The following DAB1 variants were observed in gnomAD, a reference collection of about 807,000 sequenced individuals.
DAB1 encodes DAB adaptor protein 1, also known as disabled homolog 1.
DAB1 carries 15 observed loss-of-function variants against 64.6 expected under a neutral mutation model. That is an observed-to-expected ratio of 0.23 (90% CI 0.16 to 0.36). DAB1 has a LOEUF of 0.36. Ranked by LOEUF, DAB1 falls within the 10% of genes least tolerant of loss-of-function variation. The pLI is 1.00. For missense variants in DAB1, 596 were observed against 706.7 expected, an observed-to-expected ratio of 0.84 and a Z score of 1.78; for synonymous variants, 235 against 251.9, an observed-to-expected ratio of 0.93 and a Z score of 0.64.
At chr1:57,790,143 G>T (rs1429878739) in intron 6 of DAB1, among the ~76,000 whole-genome samples, 2 of 152,132 alleles carry the variant, frequency 1.3e-5, no homozygotes, top group African/African-American at 4.8e-5. Flanking sequence ...ATATGGTTTG[G>T]CTGTGTCCTC....
chr1:57,916,213 C>T (rs1644724949), intron 5 of DAB1, among the ~76,000 whole-genome samples: 2 of 152,310 alleles, frequency 1.3e-5, no homozygotes. Flanking sequence ...TCAGAGCAGG[C>T]GATTCGACAG....
intron 1 of DAB1, among the ~76,000 whole-genome samples, chr1:57,314,603 G>A (rs190376443): frequency 7.2e-5 from 11 of 152,216 alleles, no homozygotes; most frequent in African/African-American, 1.4e-4. Flanking sequence ...GCTCTATCTC[G>A]TAAGGATGCT....
At chr1:58,465,683 C>A (rs1274778837) in intron 3 of DAB1, among the ~76,000 whole-genome samples, 1 of 152,086 alleles carries the variant, frequency 6.6e-6, no homozygotes, top group Non-Finnish European at 1.5e-5. Flanking sequence ...ATTGAAATGG[C>A]CCCTAAATCA....
chr1:57,998,736 A>G (rs953230934), intron 5 of DAB1, among the ~76,000 whole-genome samples: 1 of 152,252 alleles, frequency 6.6e-6, no homozygotes, highest in African/African-American at 2.4e-5. Context: ...ATAATTTAGC[A>G]TATTGCCTGG....
intron 1 of DAB1, among the ~76,000 whole-genome samples, chr1:57,879,787 C>T (rs1055142968): frequency 6.6e-6 from 1 of 152,164 alleles, no homozygotes; most frequent in Admixed American, 6.5e-5. Flanking sequence ...CCTCTGTCCC[C>T]TGCTGCAGTT....
chr1:57,052,781 T>C (rs2100532152), intron 9 of DAB1, among the ~76,000 whole-genome samples: 1 of 152,322 alleles, frequency 6.6e-6, no homozygotes, highest in Middle Eastern at 3.4e-3. Context: ...TATAGAACCA[T>C]TGATCCATTG....
At chr1:58,336,867 T>G (rs1663128582) in intron 4 of DAB1, among the ~76,000 whole-genome samples, 1 of 152,160 alleles carries the variant, frequency 6.6e-6, no homozygotes, top group African/African-American at 2.4e-5. Flanking sequence ...TACAACTGAT[T>G]TAGTAGTAGG....
At chr1:58,461,286 C>A (rs796104428) in intron 3 of DAB1, among the ~76,000 whole-genome samples, 33 of 152,146 alleles carry the variant, frequency 2.2e-4, no homozygotes, top group African/African-American at 7.7e-4. Context: ...TACATTGGTA[C>A]TAGAAGCTCA....
chr1:58,075,878 A>G (rs114741213), intron 5 of DAB1, among the ~76,000 whole-genome samples: 1 of 152,208 alleles, frequency 6.6e-6, no homozygotes, highest in African/African-American at 2.4e-5. Context: ...GGTGGGAAGT[A>G]GAGGGAAGAT....
intron 5 of DAB1, among the ~76,000 whole-genome samples, chr1:57,936,084 C>T (rs1221450188): frequency 6.6e-6 from 1 of 152,220 alleles, no homozygotes; most frequent in Non-Finnish European, 1.5e-5. Flanking sequence ...TTTGGGATCT[C>T]AAAGGCAACT....
At chr1:57,465,153 TGA>T (rs1047935672) in intron 7 of DAB1, among the ~76,000 whole-genome samples, 2 of 151,732 alleles carry the variant, frequency 1.3e-5, no homozygotes, top group African/African-American at 2.4e-5. Context: ...AAATGGAGAG[TGA>T]GGGTTTTACA....
intron 4 of DAB1, among the ~76,000 whole-genome samples, chr1:58,223,888 G>C (rs949670320): frequency 1.3e-5 from 2 of 152,226 alleles, no homozygotes; most frequent in Non-Finnish European, 2.9e-5. Context: ...TGGGTTGGAT[G>C]TGTGAAAAAG....
intron 7 of DAB1, among the ~76,000 whole-genome samples, chr1:57,569,243 C>T (rs1462455101): frequency 8.8e-5 from 10 of 114,258 alleles, no homozygotes; most frequent in Admixed American, 5.0e-4. Context: ...TGGGCGACAG[C>T]GAGACTCCGT....
intron 5 of DAB1, among the ~76,000 whole-genome samples, chr1:58,138,979 T>C (rs1416547752): frequency 6.6e-6 from 1 of 152,172 alleles, no homozygotes. Flanking sequence ...TACTTGTGCT[T>C]GGGCTGGTCC....
At chr1:57,755,116 T>C (rs1233220256) in intron 6 of DAB1, among the ~76,000 whole-genome samples, 1 of 152,168 alleles carries the variant, frequency 6.6e-6, no homozygotes, top group African/African-American at 2.4e-5. Flanking sequence ...GTAGAGTCAG[T>C]CAGTTCTCTT....
chr1:57,717,784 C>A (rs555493294), intron 6 of DAB1, among the ~76,000 whole-genome samples: 13 of 151,894 alleles, frequency 8.6e-5, no homozygotes, highest in African/African-American at 2.9e-4. Flanking sequence ...ATTATTCAGC[C>A]ATAAAAAATA....
At chr1:57,024,649 AAC>A (rs1646727694) in intron 10 of DAB1, among the ~76,000 whole-genome samples, 2 of 152,130 alleles carry the variant, frequency 1.3e-5, no homozygotes, top group South Asian at 4.1e-4. Context: ...AGCACTTTTA[AAC>A]ACAGTCAGTG....
intron 5 of DAB1, among the ~76,000 whole-genome samples, chr1:57,966,819 C>G (rs570535795): frequency 1.3e-5 from 2 of 152,244 alleles, no homozygotes; most frequent in East Asian, 1.9e-4. Flanking sequence ...TTAAGAACCA[C>G]TGTTTTAAGT....
At chr1:57,825,735 T>C (rs1440283463), downstream of DAB1, among the ~76,000 whole-genome samples, 2 of 152,214 alleles carry the variant, frequency 1.3e-5, no homozygotes, top group African/African-American at 4.8e-5. Flanking sequence ...AATTTTCTTA[T>C]TAGGCATTTT....
Sources: gnomAD v4.1 joint callset for allele counts (sites outside exome capture counted in the v4.1 genomes callset) on GRCh38, gnomAD v4.1.1 for gene constraint, MANE v1.5 for transcripts, NCBI Gene and HGNC (gene_info 2026-07-23, HGNC 2026-07-21) for gene names.